The following MTRF1 variants were observed in gnomAD, a reference collection of about 807,000 sequenced individuals.
MTRF1 encodes the protein mitochondrial translation release factor 1, also known as peptide chain release factor 1, mitochondrial.
In MTRF1, 51 loss-of-function variants were observed where a neutral mutation model predicts 62.9. The observed-to-expected ratio is 0.81, with a 90% CI of 0.65 to 1.02. The LOEUF is 1.02. MTRF1 is among the 50% of genes least tolerant of loss of function. The probability of loss-of-function intolerance (pLI) is 0.00; values close to 1 mark genes in which losing one functional copy is unlikely to be tolerated. For missense variants in MTRF1, 446 were observed against 530.0 expected (o/e 0.84, Z 1.56); for synonymous variants, 158 against 181.9 (o/e 0.87, Z 1.06).
intron 2 of MTRF1, among the ~76,000 whole-genome samples, chr13:41,258,466 A>G (rs1171511860): frequency 6.6e-6 from 1 of 152,034 alleles, no homozygotes; most frequent in Non-Finnish European, 1.5e-5. Flanking sequence ...ACTAAAATAA[A>G]AAACTAAGAT....
intron 6 of MTRF1, chr13:41,235,345 A>G (rs2036310983): frequency 6.6e-6 from 1 of 152,254 alleles, no homozygotes; most frequent in South Asian, 2.1e-4. Flanking sequence ...CTACTAAATT[A>G]GTGTTTGCTG....
chr13:41,251,720 C>G (rs1003228536), intron 5 of MTRF1, among the ~76,000 whole-genome samples: 1 of 152,146 alleles, frequency 6.6e-6, no homozygotes, highest in African/African-American at 2.4e-5. Context: ...TGGTTTATTA[C>G]TGATGACTCC....
the MTRF1 span, among the ~76,000 whole-genome samples, chr13:41,306,383 CAA>C: frequency 9.0e-5 from 10 of 111,104 alleles, no homozygotes; most frequent in East Asian, 5.0e-4. Context: ...GACTCCGTCT[CAA>C]AAAAAAAAAA....
intron 2 of MTRF1, chr13:41,257,887 G>T: frequency 3.1e-6 from 1 of 325,732 alleles, no homozygotes; most frequent in South Asian, 2.4e-5. Flanking sequence ...TATTTGTAAA[G>T]CACTGAGCTT....
chr13:41,292,757 A>G, the MTRF1 span, among the ~76,000 whole-genome samples: 1 of 151,938 alleles, frequency 6.6e-6, no homozygotes, highest in Non-Finnish European at 1.5e-5. Context: ...CCTCATCTCA[A>G]TGAAAATAAA....
At chr13:41,288,179 T>C in the MTRF1 span, 1 of 492,994 alleles carries the variant, frequency 2.0e-6, no homozygotes, top group South Asian at 1.5e-5. Flanking sequence ...TGGCTTTCCA[T>C]CTACCTTAAC....
chr13:41,264,192 C>T (rs1215984476), upstream of MTRF1, among the ~76,000 whole-genome samples: 1 of 152,148 alleles, frequency 6.6e-6, no homozygotes, highest in Non-Finnish European at 1.5e-5. Context: ...TACCTAATGA[C>T]TAAAGGATAA....
At chr13:41,280,474 G>C in the MTRF1 span, among the ~76,000 whole-genome samples, 2 of 152,276 alleles carry the variant, frequency 1.3e-5, no homozygotes, top group South Asian at 4.1e-4. Flanking sequence ...TTGGGCACAG[G>C]TTCTCAGGAC....
At chr13:41,294,550 A>ATC in the MTRF1 span, among the ~76,000 whole-genome samples, 21 of 152,154 alleles carry the variant, frequency 1.4e-4, no homozygotes, top group Non-Finnish European at 2.5e-4. Context: ...AAGAACCGGT[A>ATC]AGTAGGAGAG....
chr13:41,248,139 G>C (rs971585549), intron 5 of MTRF1, among the ~76,000 whole-genome samples: 1 of 152,114 alleles, frequency 6.6e-6, no homozygotes, highest in Non-Finnish European at 1.5e-5. Context: ...CCCTTCACTC[G>C]AGGTACTGTG....
chr13:41,298,767 T>G, the MTRF1 span, among the ~76,000 whole-genome samples: 1 of 152,240 alleles, frequency 6.6e-6, no homozygotes, highest in Non-Finnish European at 1.5e-5. Context: ...CCATGGTTGA[T>G]ATATCAAGTC....
At chr13:41,220,133 G>C (rs1178164683) in intron 9 of MTRF1, among the ~76,000 whole-genome samples, 2 of 151,346 alleles carry the variant, frequency 1.3e-5, no homozygotes, top group Non-Finnish European at 2.9e-5. Flanking sequence ...TTCGAGACTA[G>C]CCTGGCCAAC....
chr13:41,287,414 T>C, the MTRF1 span, among the ~76,000 whole-genome samples: 1 of 152,228 alleles, frequency 6.6e-6, no homozygotes, highest in Non-Finnish European at 1.5e-5. Context: ...AAGCCATTCA[T>C]GAGGGATCTG....
chr13:41,275,224 A>G, the MTRF1 span, among the ~76,000 whole-genome samples: 14,396 of 151,630 alleles, frequency 0.095, 890 homozygotes, highest in African/African-American at 0.16. Context: ...TTTTTTAAAC[A>G]GAGTCTCGCT....
upstream of MTRF1, among the ~76,000 whole-genome samples, chr13:41,265,783 C>T (rs1265597501): frequency 6.6e-6 from 1 of 152,178 alleles, no homozygotes; most frequent in Non-Finnish European, 1.5e-5. Flanking sequence ...TTAGACTTCC[C>T]AATCTCGCAA....
chr13:41,265,875 G>C (rs1196943511), upstream of MTRF1, among the ~76,000 whole-genome samples: 8 of 151,982 alleles, frequency 5.3e-5, no homozygotes, highest in African/African-American at 1.7e-4. Context: ...TTTTGAGGTG[G>C]AGTCTCGCTC....
At position 41,263,354 on chromosome 13, in the gene MTRF1, G is replaced by T. The variant is rs1419077810; in HGVS notation, c.-9+131C>A. On this transcript the variant is annotated intron_variant, in intron 1 of 9. Transcript: ENST00000379480. ...GCTTTGGGGAAAGTTCTGAGTGTAG[G>T]CAGGTCAGAAGCGACAGCCCGCGGG... 6 of 1,269,348 alleles carry T rather than the reference G, an allele frequency of 4.7e-6. No individual in the cohort carries two copies. In the South Asian group the frequency reaches 7.4e-5, roughly 16 times the overall value. 78.6% of individuals were successfully genotyped at this position (1,269,348 alleles called of 1,614,324 possible). A position where few individuals can be genotyped will look rare whatever the true frequency, so the allele number is the denominator to read the frequency against.
chr13:41,281,820 A>G, the MTRF1 span, among the ~76,000 whole-genome samples: 1 of 152,164 alleles, frequency 6.6e-6, no homozygotes, highest in Non-Finnish European at 1.5e-5. Context: ...GGAAAACAGG[A>G]TCTTCAACGA....
the MTRF1 span, among the ~76,000 whole-genome samples, chr13:41,293,236 T>G: frequency 6.6e-6 from 1 of 152,168 alleles, no homozygotes; most frequent in South Asian, 2.1e-4. Context: ...AAATCTGGCA[T>G]AGTTGACCAG....
Sources: gnomAD v4.1 joint callset for allele counts (sites outside exome capture counted in the v4.1 genomes callset) on GRCh38, gnomAD v4.1.1 for gene constraint, MANE v1.5 for transcripts, NCBI Gene and HGNC (gene_info 2026-07-23, HGNC 2026-07-21) for gene names.